Variants in CCSER1 observed in about 807,000 individuals in gnomAD.
The protein encoded by CCSER1 is coiled-coil serine rich protein 1.
A neutral mutation model predicts 82.0 loss-of-function variants in CCSER1; 41 were observed. That is an observed-to-expected ratio of 0.50 (90% CI 0.39 to 0.65). The LOEUF (loss-of-function observed/expected upper bound fraction) is 0.65, where lower values mean the gene tolerates loss of function less well. Ranked by LOEUF, CCSER1 falls within the 30% of genes least tolerant of loss-of-function variation. CCSER1 has a pLI of 0.00. For synonymous variants in CCSER1, 414 were observed against 383.9 expected (o/e 1.08, Z -0.92); for missense variants, 1,119 against 1,064.2 (o/e 1.05, Z -0.72).
intron 8 of CCSER1, among the ~76,000 whole-genome samples, chr4:90,850,387 A>C (rs1763731829): frequency 6.6e-6 from 1 of 152,160 alleles, no homozygotes; most frequent in Non-Finnish European, 1.5e-5. Context: ...AACAGCTTGC[A>C]CCGTGCACCT....
Position 91,173,824 on chromosome 4 carries a change from G to T in CCSER1, c.2217+87830G>T, listed in dbSNP as rs1486629644. ...GATGAAAACAGAAGAACAAATGGGA[G>T]AAAATAACCCAATAGACCTATGTTA... On this transcript the variant is annotated intron_variant, in intron 10 of 10. Transcript: ENST00000509176. Among the ~76,000 whole-genome samples, 3 of 152,008 alleles carry T rather than the reference G, an allele frequency of 2.0e-5. No homozygotes were observed. In the South Asian group the frequency reaches 6.2e-4, roughly 31 times the overall value.
At chr4:90,778,527 T>C (rs1239992788) in intron 7 of CCSER1, among the ~76,000 whole-genome samples, 1 of 143,392 alleles carries the variant, frequency 7.0e-6, no homozygotes, top group Non-Finnish European at 1.5e-5. Flanking sequence ...ATGCATTTCT[T>C]AAAAAAAAAA....
intron 9 of CCSER1, among the ~76,000 whole-genome samples, chr4:90,990,375 A>G (rs1285143982): frequency 6.6e-6 from 1 of 151,934 alleles, no homozygotes; most frequent in Admixed American, 6.6e-5. Context: ...AACCAAACAC[A>G]GTATTTTGTG....
rs1425217035 is a variant in CCSER1 at position 91,059,455 on chromosome 4, T to TTTTATA, written c.2173-26494_2173-26493insTTATAT. ...ATTTTATTTGTATGCTTTATTAAGG[T>TTTTATA]TATATATATATATATATATAAGTCT... On this transcript the variant is annotated intron_variant, in intron 9 of 10. Coordinates refer to ENST00000509176, the MANE Select transcript of CCSER1 (RefSeq NM_001145065.2). 1.4e-5 allele frequency among the ~76,000 whole-genome samples: 2 copies of TTTTATA among 145,788 alleles called. 1 individual carries two copies. The highest frequency in any genetic ancestry group is 1.4e-4 in the Admixed American group (2 of 14,490).
At chr4:91,511,185 T>A (rs1759801044) in intron 10 of CCSER1, among the ~76,000 whole-genome samples, 1 of 152,204 alleles carries the variant, frequency 6.6e-6, no homozygotes, top group Admixed American at 6.5e-5. Flanking sequence ...TTGGTTGATG[T>A]CTCTGTTTCA....
chr4:90,271,861 TA>T (rs369069994), intron 1 of CCSER1, among the ~76,000 whole-genome samples: 421 of 26,916 alleles, frequency 0.016, 2 homozygotes, highest in Admixed American at 0.028. Flanking sequence ...TATATATATA[TA>T]TTTTTTTTTT....
chr4:90,974,469 G>C (rs770620071), intron 9 of CCSER1, among the ~76,000 whole-genome samples: 6 of 149,184 alleles, frequency 4.0e-5, no homozygotes, highest in Non-Finnish European at 6.0e-5. Context: ...AAAGAAAAAG[G>C]CTTTCAAGAA....
Position 91,338,559 on chromosome 4 carries a change from A to G in CCSER1, c.2217+252565A>G, listed in dbSNP as rs868400113. On this transcript the variant is annotated intron_variant, in intron 10 of 10. Transcript: ENST00000509176. ...GACCTGCAAACATTATAATGCATAG[A>G]TACAACTTAGAAGAAAGCACAGATT... 2.0e-5 allele frequency among the ~76,000 whole-genome samples: 3 copies of G among 152,230 alleles called. No individual in the cohort carries two copies. In the South Asian group the frequency reaches 6.2e-4, roughly 31 times the overall value.
intron 10 of CCSER1, among the ~76,000 whole-genome samples, chr4:91,309,465 T>G (rs1745299687): frequency 6.6e-6 from 1 of 152,012 alleles, no homozygotes; most frequent in Non-Finnish European, 1.5e-5. Context: ...TACAATCCGT[T>G]TGCTAGTATA....
At chr4:90,628,446 G>A (rs557052633) in intron 6 of CCSER1, among the ~76,000 whole-genome samples, 116 of 152,176 alleles carry the variant, frequency 7.6e-4, no homozygotes, top group Admixed American at 2.9e-3. Flanking sequence ...AAGAGTTTAC[G>A]AAATACTTAA....
chr4:90,478,531 A>G lies in CCSER1; in HGVS notation c.1724+10177A>G, dbSNP rs1013333977. Among the ~76,000 whole-genome samples the G allele has an allele frequency of 1.1e-4, 17 of 152,274 alleles. 1 individual carries two copies. In the East Asian group the frequency reaches 2.9e-3, roughly 26 times the overall value. On this transcript the variant is annotated intron_variant, in intron 5 of 10. Transcript: ENST00000509176. ...TTTAAAATAATAAATTGGTTTATTC[A>G]GTAACACTTAAATGTATTTAATATT...
At chr4:91,376,906 C>CCCTTCCCA (rs1553930099) in intron 10 of CCSER1, among the ~76,000 whole-genome samples, 1 of 150,008 alleles carries the variant, frequency 6.7e-6, no homozygotes, top group Non-Finnish European at 1.5e-5. Context: ...ATCCCTCCCC[C>CCCTTCCCA]CACCCAGGAC....
intron 10 of CCSER1, among the ~76,000 whole-genome samples, chr4:91,155,511 C>G (rs1450040358): frequency 1.3e-5 from 2 of 151,900 alleles, no homozygotes; most frequent in Non-Finnish European, 2.9e-5. Flanking sequence ...AAATAGGAGC[C>G]TGTAGCTCTA....
intron 5 of CCSER1, among the ~76,000 whole-genome samples, chr4:90,576,306 ACT>A (rs1433965634): frequency 6.6e-6 from 1 of 151,650 alleles, no homozygotes; most frequent in Non-Finnish European, 1.5e-5. Context: ...CCTACCACAG[ACT>A]CTCCCACTAC....
At chr4:90,642,967 A>G (rs1235638488) in intron 6 of CCSER1, among the ~76,000 whole-genome samples, 1 of 152,092 alleles carries the variant, frequency 6.6e-6, no homozygotes, top group East Asian at 1.9e-4. Flanking sequence ...AAATGAGTCA[A>G]TTTATATTTA....
intron 10 of CCSER1, among the ~76,000 whole-genome samples, chr4:91,347,388 G>A (rs72879097): frequency 0.066 from 10,042 of 151,946 alleles, 1,096 homozygotes; most frequent in African/African-American, 0.23. Context: ...CTTGAAGTTT[G>A]GTAGTATCAG....
chr4:91,494,014 A>G (rs953688007), intron 10 of CCSER1, among the ~76,000 whole-genome samples: 1 of 151,890 alleles, frequency 6.6e-6, no homozygotes, highest in Admixed American at 6.6e-5. Context: ...TGCCAATGCA[A>G]TAGTATTGAG....
intron 10 of CCSER1, among the ~76,000 whole-genome samples, chr4:91,499,234 G>A (rs988144610): frequency 2.6e-5 from 4 of 151,066 alleles, no homozygotes; most frequent in South Asian, 2.1e-4. Context: ...TAGTATTTTG[G>A]GGTTTTGTTT....
chr4:91,236,578 C>G lies in CCSER1; in HGVS notation c.2217+150584C>G, dbSNP rs552557835. 2.3e-4 allele frequency among the ~76,000 whole-genome samples: 35 copies of G among 152,246 alleles called. No homozygotes were observed. The South Asian group carries it at 7.2e-3, about 32-fold the overall frequency. ...ATTTTGAGGTCAAGGAAATGGAATA[C>G]TGTATTTAAAATTTTATTTCATACC... On this transcript the variant is annotated intron_variant, in intron 10 of 10. Transcript: ENST00000509176.
Sources: allele counts gnomAD v4.1 joint callset (sites outside exome capture counted in the v4.1 genomes callset), GRCh38; gene constraint gnomAD v4.1.1; transcripts MANE v1.5; gene names NCBI Gene and HGNC (gene_info 2026-07-23, HGNC 2026-07-21).